The following KCNQ2 variants were observed in gnomAD, a reference collection of about 807,000 sequenced individuals.
The protein encoded by KCNQ2 is potassium voltage-gated channel subfamily Q member 2, also known as potassium voltage-gated channel subfamily KQT member 2.
Under a neutral mutation model 84.8 loss-of-function variants are expected in KCNQ2, and 14 were observed. The observed-to-expected ratio is 0.17, with a 90% confidence interval of 0.11 to 0.26. KCNQ2 has a LOEUF of 0.26. Among genes scored for constraint, KCNQ2 ranks in the 10% least tolerant of loss-of-function variants. The probability of loss-of-function intolerance (pLI) is 1.00; values close to 1 mark genes in which losing one functional copy is unlikely to be tolerated. For synonymous variants in KCNQ2, 599 were observed against 554.1 expected (o/e 1.08, Z -1.14); for missense variants, 788 against 1,254.0 (o/e 0.63, Z 5.61).
chr20:63,457,040 A>G (rs1383391304), intron 1 of KCNQ2, among the ~76,000 whole-genome samples: 1 of 152,218 alleles, frequency 6.6e-6, no homozygotes, highest in East Asian at 1.9e-4. Context: ...TAATTTCACC[A>G]TCTAATGAAC....
rs1476784289 is a variant in KCNQ2 at position 63,405,854 on chromosome 20, C to A, written c.*790G>T. 1 of 152,268 alleles carries A rather than the reference C, an allele frequency of 6.6e-6. No individual in the cohort carries two copies. Among genetic ancestry groups the A allele is most frequent in the Non-Finnish European group, 1.5e-5 (1 of 68,102 alleles). The allele number at this position is 152,268 out of a possible 1,614,324, so 9.4% of individuals were successfully genotyped here. A position where few individuals can be genotyped will look rare whatever the true frequency, so the allele number is the denominator to read the frequency against. ...CCCCCAAGGACCCCCTTTTTGAAGA[C>A]CCTTTGGAGCCGGCTCCCTGGCCCC... On this transcript the variant is annotated 3_prime_UTR_variant, in exon 17 of 17. Coordinates refer to ENST00000359125, the MANE Select transcript of KCNQ2 (RefSeq NM_172107.4).
chr20:63,467,187 C>T lies in KCNQ2; in HGVS notation c.296+4981G>A, dbSNP rs898589337. Among the ~76,000 whole-genome samples the T allele has an allele frequency of 1.0e-3, 156 of 152,306 alleles. 1 individual carries two copies. Among genetic ancestry groups the T allele is most frequent in the Non-Finnish European group, 1.8e-3 (121 of 67,990 alleles). ...GCCCAGGGCACAGGCTGCCCCTCCC[C>T]TGCCTCTGGGCAAGGCAGCTCGGCC... On this transcript the variant is annotated intron_variant, in intron 1 of 16. Transcript: ENST00000359125.
At chr20:63,442,913 ACCATCACCACCATCAC>A (rs2081250004) in intron 4 of KCNQ2, among the ~76,000 whole-genome samples, 1 of 67,888 alleles carries the variant, frequency 1.5e-5, no homozygotes, top group Admixed American at 1.4e-4. Flanking sequence ...CACCACCATC[ACCATCACCACCATCAC>A]CATCACCACC....
At chr20:63,458,410 C>T (rs999438884) in intron 1 of KCNQ2, among the ~76,000 whole-genome samples, 3 of 152,190 alleles carry the variant, frequency 2.0e-5, no homozygotes, top group Admixed American at 6.5e-5. Context: ...CCTCGGCAAA[C>T]GCCGTCCCTG....
intron 1 of KCNQ2, among the ~76,000 whole-genome samples, chr20:63,467,306 G>A (rs1466987979): frequency 6.6e-6 from 1 of 152,204 alleles, no homozygotes; most frequent in Non-Finnish European, 1.5e-5. Flanking sequence ...CCCACTCTGT[G>A]TAGCAGATTC....
At chr20:63,441,737 C>T (rs1306686732) in intron 5 of KCNQ2, among the ~76,000 whole-genome samples, 1 of 152,204 alleles carries the variant, frequency 6.6e-6, no homozygotes, top group African/African-American at 2.4e-5. Flanking sequence ...ACCCAAGCCC[C>T]GACTGGGAAG....
Position 63,419,626 on chromosome 20 carries a change from G to A in KCNQ2, c.1294C>T (p.Arg432Cys), listed in dbSNP as rs368720575. 3.2e-5 allele frequency: 52 copies of A among 1,610,588 alleles called. No homozygotes were observed. Among genetic ancestry groups the A allele is most frequent in the African/African-American group, 2.9e-4 (22 of 74,936 alleles). The part of the protein sequence containing the change: ...RGPLCGCCPG[R>C]SSQKVSLKDR... ...CGGCGTGTTCCGCGGTACCTAGAGC[G>A]TCCGGGGCAGCATCCACACAGGGGC... The change falls in exon 12 of 17, where the codon CGC (arginine) becomes TGC (cysteine). Residue 432 changes from arginine (R) to cysteine (C), a missense_variant. Physicochemically the swap from Arg to Cys is radical, Grantham distance 180 (BLOSUM62 -3). Coordinates refer to ENST00000359125, the MANE Select transcript of KCNQ2 (RefSeq NM_172107.4).
chr20:63,413,266 G>A (rs2145539337), intron 15 of KCNQ2, 184 bp downstream of exon 15: 2 of 665,244 alleles, frequency 3.0e-6, no homozygotes, highest in Non-Finnish European at 5.3e-6. Context: ...AGAGATGGGA[G>A]AGACAGCAGA....
chr20:63,468,849 C>A (rs2082143026), intron 1 of KCNQ2, among the ~76,000 whole-genome samples: 1 of 130,214 alleles, frequency 7.7e-6, no homozygotes, highest in Non-Finnish European at 1.7e-5. Context: ...CACCCCCAAG[C>A]TCTCATCTCA....
chr20:63,443,140 A>C, intron 4 of KCNQ2, among the ~76,000 whole-genome samples: 1 of 66,034 alleles, frequency 1.5e-5, no homozygotes, highest in Non-Finnish European at 3.0e-5. Flanking sequence ...CACCATCATC[A>C]CCACCACCAT....
At chr20:63,462,294 G>A (rs2081976806) in intron 1 of KCNQ2, among the ~76,000 whole-genome samples, 1 of 148,486 alleles carries the variant, frequency 6.7e-6, no homozygotes, top group African/African-American at 2.5e-5. Context: ...CCTACCCCAG[G>A]CAGCAGGGAG....
At chr20:63,412,049 G>A in intron 15 of KCNQ2, 1 of 567,312 alleles carries the variant, frequency 1.8e-6, no homozygotes, top group South Asian at 2.1e-5. Flanking sequence ...CCTTGGATTT[G>A]CCAAGTCCTT....
chr20:63,421,782 A>T (rs1236490612), intron 11 of KCNQ2, among the ~76,000 whole-genome samples: 1 of 152,046 alleles, frequency 6.6e-6, no homozygotes, highest in African/African-American at 2.4e-5. Context: ...GGTGTCGGAC[A>T]AGACAGCACA....
chr20:63,467,261 G>C (rs1357616072), intron 1 of KCNQ2, among the ~76,000 whole-genome samples: 3 of 152,170 alleles, frequency 2.0e-5, no homozygotes, highest in Non-Finnish European at 4.4e-5. Flanking sequence ...GGTCCCCCTT[G>C]GTCCTCCAGA....
chr20:63,435,081 C>T (rs1397512385), intron 7 of KCNQ2, among the ~76,000 whole-genome samples: 1 of 152,192 alleles, frequency 6.6e-6, no homozygotes, highest in Non-Finnish European at 1.5e-5. Context: ...CACATCCTCA[C>T]TACGCTGATT....
In KCNQ2 at chr20:63,401,068, A is replaced by T. The variant is rs1751780100; in HGVS notation, c.*5576T>A. 2.5e-6 allele frequency: 1 copy of T among 392,866 alleles called. No homozygotes were observed. Among genetic ancestry groups the T allele is most frequent in the Admixed American group, 4.4e-5 (1 of 22,542 alleles). The allele number at this position is 392,866 out of a possible 1,614,324, so 24.3% of individuals were successfully genotyped here. On this transcript the variant is annotated 3_prime_UTR_variant, in exon 17 of 17. Coordinates refer to ENST00000359125, the MANE Select transcript of KCNQ2 (RefSeq NM_172107.4). ...TTGCTGGCGCCTGGCCGAGAGTCAG[A>T]CGCTGAGGACCTCTCAGGACGGGGC...
intron 1 of KCNQ2, among the ~76,000 whole-genome samples, chr20:63,467,316 C>T (rs1238787273): frequency 2.0e-5 from 3 of 152,244 alleles, no homozygotes; most frequent in Non-Finnish European, 2.9e-5. Flanking sequence ...GTAGCAGATT[C>T]ATCTCCCCAC....
intron 7 of KCNQ2, 33 bp from the exon 8 acceptor site, chr20:63,433,936 G>A: frequency 6.2e-7 from 1 of 1,602,670 alleles, no homozygotes; most frequent in Non-Finnish European, 8.5e-7. Flanking sequence ...GTTGGCGAGG[G>A]GCAGGCGGCG....
rs550101929 is a variant in KCNQ2, at chr20:63,400,872, C to T, written c.*5772G>A. On this transcript the variant is annotated 3_prime_UTR_variant, in exon 17 of 17. Transcript: ENST00000359125. The surrounding 1 kb of genome is among the most constrained non-coding windows in gnomAD (Gnocchi z 8.7). ...GGGCCCCTCGCCCGCCCCACCTGTT[C>T]GCAGGGTCCAGGGCGTCCGTACCTG... 1.0e-3 allele frequency: 407 copies of T among 398,414 alleles called. No individual in the cohort carries two copies. Among genetic ancestry groups the T allele is most frequent in the Non-Finnish European group, 1.5e-3 (344 of 225,896 alleles). The allele number at this position is 398,414 out of a possible 1,614,324, so 24.7% of individuals were successfully genotyped here. A position where few individuals can be genotyped will look rare whatever the true frequency, so the allele number is the denominator to read the frequency against.
Sources: gnomAD v4.1 joint callset for allele counts (sites outside exome capture counted in the v4.1 genomes callset) on GRCh38, gnomAD v4.1.1 for gene constraint, Gnocchi (gnomAD v3.1) non-coding constraint, MANE v1.5 for transcripts, NCBI Gene and HGNC (gene_info 2026-07-23, HGNC 2026-07-21) for gene names.